KDM4C: variants seen among roughly 807,000 people sequenced by gnomAD.
The protein encoded by KDM4C is lysine demethylase 4C.
In KDM4C, 81 loss-of-function variants were observed where a neutral mutation model predicts 129.3. The observed-to-expected ratio is 0.63, with a 90% CI of 0.52 to 0.75. The LOEUF (loss-of-function observed/expected upper bound fraction) is 0.75. Ranked by LOEUF, KDM4C falls within the 30% of genes least tolerant of loss-of-function variation. The probability of loss-of-function intolerance (pLI) is 0.00; values close to 1 mark genes in which losing one functional copy is unlikely to be tolerated. For missense variants in KDM4C, 1,457 were observed against 1,304.0 expected (o/e 1.12, Z -1.81); for synonymous variants, 573 against 456.1 (o/e 1.26, Z -3.26).
intron 2 of KDM4C, among the ~76,000 whole-genome samples, chr9:6,804,225 C>T (rs1446791459): frequency 6.6e-6 from 1 of 152,232 alleles, no homozygotes; most frequent in African/African-American, 2.4e-5. Context: ...TGCAGGCAAA[C>T]ACTGGTGTGC....
chr9:6,814,970 T>C, intron 4 of KDM4C: 1 of 360,832 alleles, frequency 2.8e-6, no homozygotes, highest in Non-Finnish European at 4.9e-6. Context: ...TAACATGGTA[T>C]GTGGTTATCT....
At chr9:6,961,010 C>A (rs1829949383) in intron 8 of KDM4C, among the ~76,000 whole-genome samples, 1 of 152,166 alleles carries the variant, frequency 6.6e-6, no homozygotes, top group South Asian at 2.1e-4. Flanking sequence ...TGGAGAACAG[C>A]AAGAGGTGGC....
At chr9:6,787,009 A>T (rs967296313) in intron 1 of KDM4C, among the ~76,000 whole-genome samples, 3 of 152,214 alleles carry the variant, frequency 2.0e-5, no homozygotes, top group Non-Finnish European at 4.4e-5. Flanking sequence ...CCAAGATTGA[A>T]AAAGGTCTAA....
chr9:6,721,027 C>T (rs1816929347), intron 1 of KDM4C: 1 of 1,536,276 alleles, frequency 6.5e-7, no homozygotes, highest in East Asian at 2.5e-5. Flanking sequence ...TAATCCAGGA[C>T]ACTTTGTACA....
intron 15 of KDM4C, among the ~76,000 whole-genome samples, chr9:7,040,929 A>C (rs995567934): frequency 6.6e-6 from 1 of 151,698 alleles, no homozygotes. Flanking sequence ...ATCTTTTATC[A>C]GTTGTGGAAA....
chr9:6,725,323 AGT>A (rs71308873), intron 1 of KDM4C, among the ~76,000 whole-genome samples: 1 of 150,326 alleles, frequency 6.7e-6, no homozygotes, highest in African/African-American at 2.4e-5. Context: ...GAGTGCATCT[AGT>A]GTGTGTGTGT....
intron 8 of KDM4C, among the ~76,000 whole-genome samples, chr9:6,946,530 A>C (rs1172657787): frequency 6.6e-6 from 1 of 152,122 alleles, no homozygotes; most frequent in East Asian, 1.9e-4. Context: ...TGCCATGCAG[A>C]TTTTTAGGAT....
chr9:7,152,870 G>A (rs1229702347), intron 19 of KDM4C, among the ~76,000 whole-genome samples: 1 of 152,160 alleles, frequency 6.6e-6, no homozygotes, highest in Non-Finnish European at 1.5e-5. Flanking sequence ...GGCTGCAGGG[G>A]AAAGATTGTG....
At chr9:6,809,080 T>C (rs532445315) in intron 3 of KDM4C, among the ~76,000 whole-genome samples, 2 of 152,226 alleles carry the variant, frequency 1.3e-5, no homozygotes, top group Non-Finnish European at 2.9e-5. Flanking sequence ...AAGCACATGA[T>C]GCTACTTGAA....
intron 5 of KDM4C, among the ~76,000 whole-genome samples, chr9:6,865,433 G>A (rs987570743): frequency 1.3e-5 from 2 of 152,156 alleles, no homozygotes; most frequent in Non-Finnish European, 2.9e-5. Flanking sequence ...TGTTATTAGG[G>A]CCAGTCAGTC....
chr9:6,949,465 G>C (rs1323894657), intron 8 of KDM4C, among the ~76,000 whole-genome samples: 1 of 152,162 alleles, frequency 6.6e-6, no homozygotes. Flanking sequence ...CTGTAATCTC[G>C]GCACTTTGGG....
intron 4 of KDM4C, among the ~76,000 whole-genome samples, chr9:6,822,186 C>T (rs547145012): frequency 2.4e-4 from 37 of 152,260 alleles, no homozygotes; most frequent in Admixed American, 1.8e-3. Flanking sequence ...TCTTGGAGCC[C>T]AGTCTTTTTC....
chr9:6,870,397 A>T (rs1396484859), intron 5 of KDM4C, among the ~76,000 whole-genome samples: 3 of 151,878 alleles, frequency 2.0e-5, no homozygotes, highest in African/African-American at 7.3e-5. Context: ...TGGAGTTAAG[A>T]TAGGTCTGGG....
At position 6,877,465 on chromosome 9, in the gene KDM4C, G is replaced by C. The variant is rs544442460; in HGVS notation, c.630-2547G>C. ...TCTGCCCGCCTCGACCTCCCAAAGT[G>C]CTGGGATTACAGGCGTGAGCCACCA... is the stretch of plus-strand genomic sequence containing the variant. On this transcript the variant is annotated intron_variant, in intron 5 of 21. Transcript: ENST00000381309. 1.8e-3 allele frequency among the ~76,000 whole-genome samples: 268 copies of C among 152,316 alleles called. 1 individual carries two copies. The highest frequency in any genetic ancestry group is 6.1e-3 in the African/African-American group (254 of 41,576).
chr9:7,054,934 G>A (rs1240847282), intron 17 of KDM4C, among the ~76,000 whole-genome samples: 4 of 152,178 alleles, frequency 2.6e-5, no homozygotes, highest in Admixed American at 2.0e-4. Context: ...TGCAGCGGAT[G>A]TCTGTTCTGA....
chr9:6,721,145 C>T (rs1816934225), intron 1 of KDM4C: 2 of 623,624 alleles, frequency 3.2e-6, no homozygotes, highest in Non-Finnish European at 2.8e-6. Context: ...GCAATCACAC[C>T]TCACTGCAGC....
intron 5 of KDM4C, among the ~76,000 whole-genome samples, chr9:6,858,248 C>G (rs1840247078): frequency 7.9e-6 from 1 of 126,792 alleles, no homozygotes; most frequent in South Asian, 3.1e-4. Context: ...TAGCAATGTT[C>G]CAAATTTGCA....
rs865944808 is a variant in KDM4C at position 6,729,225 on chromosome 9, A to G, written c.49+8228A>G. Among the ~76,000 whole-genome samples, 74 of 120,426 alleles carry G rather than the reference A, an allele frequency of 6.1e-4. 1 individual carries two copies. Among genetic ancestry groups the G allele is most frequent in the African/African-American group, 2.5e-3 (69 of 27,660 alleles). 79.0% of individuals were successfully genotyped at this position (120,426 alleles called of 152,430 possible). ...TCTCCAAAAAAAAAAAAAAAAAAAAAAAGAAGAAGAAAAGAAATAAATGGA... is the reference window on the plus strand; with the variant it reads ...TCTCCAAAAAAAAAAAAAAAAAAAAGAAGAAGAAGAAAAGAAATAAATGGA... On this transcript the variant is annotated intron_variant, in intron 1 of 17. Transcript: ENST00000536108.
intron 8 of KDM4C, among the ~76,000 whole-genome samples, chr9:6,943,443 T>C (rs914255344): frequency 4.6e-5 from 7 of 152,156 alleles, no homozygotes; most frequent in Non-Finnish European, 8.8e-5. Flanking sequence ...GTGTAGTGGC[T>C]CTTGCCTGTA....
Sources: gnomAD v4.1 joint callset for allele counts (sites outside exome capture counted in the v4.1 genomes callset) on GRCh38, gnomAD v4.1.1 for gene constraint, MANE v1.5 for transcripts, NCBI Gene and HGNC (gene_info 2026-07-23, HGNC 2026-07-21) for gene names.